PC: variants seen among roughly 807,000 people sequenced by gnomAD.
PC encodes pyruvate carboxylase.
PC carries 46 observed loss-of-function variants against 107.8 expected under a neutral mutation model. The ratio of observed to expected loss-of-function variants is 0.43; its 90% CI spans 0.34 to 0.55. The LOEUF is 0.55. Ranked by LOEUF, PC falls within the 20% of genes least tolerant of loss-of-function variation. The pLI, the probability that PC is intolerant of heterozygous loss-of-function variation, is 0.04. For synonymous variants in PC, 662 were observed against 684.7 expected, an observed-to-expected ratio of 0.97 and a Z score of 0.52; for missense variants, 1,241 against 1,643.1, an observed-to-expected ratio of 0.76 and a Z score of 4.23.
At chr11:66,920,484 C>T (rs1341679418) in intron 3 of PC, among the ~76,000 whole-genome samples, 2 of 152,222 alleles carry the variant, frequency 1.3e-5, no homozygotes, top group African/African-American at 2.4e-5. Context: ...TGGATATGGA[C>T]CTAACACTGG....
At chr11:66,921,465 A>G (rs1215391440) in intron 3 of PC, among the ~76,000 whole-genome samples, 1 of 152,230 alleles carries the variant, frequency 6.6e-6, no homozygotes, top group Non-Finnish European at 1.5e-5. Context: ...AAATAAAAGG[A>G]AGCCAAAGAC....
At position 66,858,844 on chromosome 11, in the gene PC, G is replaced by C; in HGVS notation, c.1368+4930C>G. On this transcript the variant is annotated intron_variant, in intron 12 of 22. Coordinates refer to ENST00000393960, the MANE Select transcript of PC (RefSeq NM_001040716.2). The surrounding 1 kb of genome is among the most constrained non-coding windows in gnomAD (Gnocchi z 5.9). ...GAGGCCACAGCCCGAGTAGAACTGC[G>C]GGTGCTGGCCTTGCCCCATGGTGGG... 6.4e-7 allele frequency: 1 copy of C among 1,552,962 alleles called. No homozygotes were observed. Among genetic ancestry groups the C allele is most frequent in the Non-Finnish European group, 8.7e-7 (1 of 1,149,864 alleles).
chr11:66,944,419 G>C lies in PC; in HGVS notation c.-1+8011C>G, dbSNP rs1375939602. Among the ~76,000 whole-genome samples, 5 of 113,624 alleles carry C rather than the reference G, an allele frequency of 4.4e-5. 2 individuals carry two copies. The East Asian group carries it at 1.4e-3, about 31-fold the overall frequency. The allele number at this position is 113,624 out of a possible 152,430, so 74.5% of individuals were successfully genotyped here. ...CATGGTGAAACCCCATCTCTACTAA[G>C]AGTACAAAAATTAGTTGGGCATGGT... On this transcript the variant is annotated intron_variant, in intron 3 of 22. Coordinates refer to ENST00000393960, the MANE Select transcript of PC (RefSeq NM_001040716.2).
chr11:66,946,340 T>G (rs1949290741), intron 3 of PC, among the ~76,000 whole-genome samples: 1 of 150,772 alleles, frequency 6.6e-6, no homozygotes, highest in Non-Finnish European at 1.5e-5. Context: ...CAAAGAAAAT[T>G]TTTTAAAAGG....
At chr11:66,946,194 C>T (rs1591314638) in intron 3 of PC, among the ~76,000 whole-genome samples, 2 of 151,944 alleles carry the variant, frequency 1.3e-5, no homozygotes, top group South Asian at 4.2e-4. Flanking sequence ...TCTTGAGATT[C>T]CAATTAAAAC....
rs561488528 is a variant in PC at position 66,852,063 on chromosome 11, C to T, written c.1826-117G>A. On this transcript the variant is annotated intron_variant, in intron 15 of 22. Transcript: ENST00000393960. The surrounding 1 kb of genome is among the most constrained non-coding windows in gnomAD (Gnocchi z 4.7). The stretch of plus-strand genomic sequence containing the variant: ...CCCAATACCAGGTCCTGCTCATCTT[C>T]GCCATACCTGTGTTCCCTGCTCCAA... 274 of 1,062,202 alleles carry T rather than the reference C, an allele frequency of 2.6e-4. 2 individuals carry two copies. The highest frequency in any genetic ancestry group is 2.0e-3 in the African/African-American group (129 of 63,792). The allele number at this position is 1,062,202 out of a possible 1,614,324, so 65.8% of individuals were successfully genotyped here.
chr11:66,927,146 C>T (rs889567297), intron 3 of PC, among the ~76,000 whole-genome samples: 1 of 142,132 alleles, frequency 7.0e-6, no homozygotes, highest in African/African-American at 2.6e-5. Flanking sequence ...CATGCACCAT[C>T]ATGCCCAGCT....
chr11:66,868,991 G>A, intron 9 of PC, 27 bp from the exon 10 acceptor site: 3 of 1,558,082 alleles, frequency 1.9e-6, no homozygotes, highest in Non-Finnish European at 2.7e-6. Context: ...GTGAGCAGGG[G>A]AGGGCACAGG....
At chr11:66,942,298 GCT>G (rs1949159455) in intron 3 of PC, among the ~76,000 whole-genome samples, 1 of 151,060 alleles carries the variant, frequency 6.6e-6, no homozygotes, top group African/African-American at 2.4e-5. Flanking sequence ...TCCTCGGGAG[GCT>G]GAGGCAGGAG....
rs1949221328 is a variant in PC at position 66,943,902 on chromosome 11, G to C, written c.-1+8528C>G. On this transcript the variant is annotated intron_variant, in intron 3 of 22. Transcript: ENST00000393960. ...GAGAGGCTGAGGCAGAGAATCTCTT[G>C]AACCCAGGAGACAGAGGTTGCAGTG... Among the ~76,000 whole-genome samples, 6 of 147,300 alleles carry C rather than the reference G, an allele frequency of 4.1e-5. No homozygotes were observed. In the Admixed American group the frequency reaches 4.1e-4, roughly 10 times the overall value.
intron 3 of PC, among the ~76,000 whole-genome samples, chr11:66,927,454 G>A: frequency 6.6e-6 from 1 of 151,828 alleles, no homozygotes. Context: ...GGGCGCAGTG[G>A]CTCATGCCTG....
At chr11:66,916,489 T>C (rs1222665979) in intron 3 of PC, among the ~76,000 whole-genome samples, 2 of 152,202 alleles carry the variant, frequency 1.3e-5, no homozygotes, top group South Asian at 4.1e-4. Context: ...CTCACCTCAA[T>C]TTCTGGGGGA....
In PC at chr11:66,933,689, C is replaced by T. The variant is rs527960687; in HGVS notation, c.-1+18741G>A. Among the ~76,000 whole-genome samples, 151 of 152,236 alleles carry T rather than the reference C, an allele frequency of 9.9e-4. 1 individual carries two copies. The highest frequency in any genetic ancestry group is 1.7e-3 in the Non-Finnish European group (114 of 68,000). ...ACACTTTATATTTGCCACCTCCTTC[C>T]CATTGCAACCACTTCCCTAACCTCC... On this transcript the variant is annotated intron_variant, in intron 3 of 22. Transcript: ENST00000393960.
At chr11:66,877,954 TATTTCCATATGGAAA>T (rs1475607323) in intron 3 of PC, among the ~76,000 whole-genome samples, 2 of 152,216 alleles carry the variant, frequency 1.3e-5, no homozygotes, top group African/African-American at 4.8e-5. Flanking sequence ...TGCTTTTCTA[TATTTCCATATGGAAA>T]ATTTCCATAT....
At chr11:66,942,056 C>T (rs1253260642) in intron 3 of PC, among the ~76,000 whole-genome samples, 4 of 149,022 alleles carry the variant, frequency 2.7e-5, no homozygotes, top group Non-Finnish European at 5.9e-5. Context: ...GAGCCGAGAT[C>T]GCACCATTGC....
chr11:66,910,001 C>T (rs923103406), intron 3 of PC, among the ~76,000 whole-genome samples: 13 of 152,050 alleles, frequency 8.5e-5, no homozygotes, highest in Non-Finnish European at 1.9e-4. Context: ...CACAGAAAGC[C>T]CGGTGTTGAA....
chr11:66,927,325 T>C (rs1279964897), intron 3 of PC, among the ~76,000 whole-genome samples: 1 of 150,186 alleles, frequency 6.7e-6, no homozygotes, highest in African/African-American at 2.5e-5. Context: ...GCCACACCAG[T>C]GTACTCCCGT....
chr11:66,903,752 GA>G lies in PC; in HGVS notation c.1-31594del, dbSNP rs1175402409. Among the ~76,000 whole-genome samples the G allele has an allele frequency of 4.7e-3, 355 of 76,128 alleles. 2 individuals carry two copies. The highest frequency in any genetic ancestry group is 0.025 in the Admixed American group (151 of 6,160). The allele number at this position is 76,128 out of a possible 152,430, so 49.9% of individuals were successfully genotyped here. A position where few individuals can be genotyped will look rare whatever the true frequency, so the allele number is the denominator to read the frequency against. ...AACAGAGTGAGAGACTCCATCTCAG[GA>G]AAAAAAAAAAAAAAAAAAAAATATA... On this transcript the variant is annotated intron_variant, in intron 3 of 22. Coordinates refer to ENST00000393960, the MANE Select transcript of PC (RefSeq NM_001040716.2).
At position 66,870,906 on chromosome 11, in the gene PC, C is replaced by G. The variant is rs943059417; in HGVS notation, c.634-14G>C. ...CTCCTCCAGCTCCTGCGAGGGCGGG[C>G]AGGGGCCAGCCAGACCTCAGACCCC... On this transcript the variant is annotated splice_polypyrimidine_tract_variant and intron_variant, in intron 7 of 22. Transcript: ENST00000393960. This position sits in a 1 kb window ranked among gnomAD's most constrained non-coding sequence, Gnocchi z 6.1. The G allele has an allele frequency of 6.2e-7, 1 of 1,610,354 alleles. No homozygotes were observed. The highest frequency in any genetic ancestry group is 8.5e-7 in the Non-Finnish European group (1 of 1,178,934).
Sources: allele counts gnomAD v4.1 joint callset (sites outside exome capture counted in the v4.1 genomes callset), GRCh38; gene constraint gnomAD v4.1.1; non-coding constraint Gnocchi (gnomAD v3.1); transcripts MANE v1.5; gene names NCBI Gene and HGNC (gene_info 2026-07-23, HGNC 2026-07-21).